The following IPCEF1 variants were observed in gnomAD, a reference collection of about 807,000 sequenced individuals.
IPCEF1 encodes the protein interaction protein for cytohesin exchange factors 1.
In IPCEF1, 31 loss-of-function variants were observed where a neutral mutation model predicts 50.9. The ratio of observed to expected loss-of-function variants is 0.61; its 90% CI spans 0.46 to 0.82. The LOEUF is 0.82. Among genes scored for constraint, IPCEF1 ranks in the 40% least tolerant of loss-of-function variants. The pLI, the probability that IPCEF1 is intolerant of heterozygous loss-of-function variation, is 0.00. For synonymous variants in IPCEF1, 181 were observed against 192.0 expected, an observed-to-expected ratio of 0.94 and a Z score of 0.47; for missense variants, 458 against 514.0, an observed-to-expected ratio of 0.89 and a Z score of 1.05.
chr6:154,282,420 C>T lies in IPCEF1; in HGVS notation c.-18+7293G>A, dbSNP rs534005575. ...GGATCAGGCAGGGCGCGGTGGCTCA[C>T]GCCTGTAATCCCAGCACTTTGGGAG... On this transcript the variant is annotated intron_variant, in intron 2 of 11. Coordinates refer to ENST00000367220, the MANE Select transcript of IPCEF1 (RefSeq NM_001130700.2). 3.7e-4 allele frequency among the ~76,000 whole-genome samples: 56 copies of T among 152,258 alleles called. 1 individual carries two copies. The South Asian group carries it at 5.4e-3, about 15-fold the overall frequency.
chr6:154,308,851 T>C (rs969948975), intron 1 of IPCEF1, among the ~76,000 whole-genome samples: 3 of 152,248 alleles, frequency 2.0e-5, no homozygotes, highest in Non-Finnish European at 4.4e-5. Context: ...TTGTTGTCAA[T>C]TTTACAGGAT....
intron 1 of IPCEF1, among the ~76,000 whole-genome samples, chr6:154,355,531 C>T (rs1784202293): frequency 6.6e-6 from 1 of 151,238 alleles, no homozygotes; most frequent in Non-Finnish European, 1.5e-5. Flanking sequence ...CTCTGTCACC[C>T]AGGCTGAAGT....
At chr6:154,200,708 G>A (rs988507973) in intron 9 of IPCEF1, among the ~76,000 whole-genome samples, 1 of 152,174 alleles carries the variant, frequency 6.6e-6, no homozygotes, top group African/African-American at 2.4e-5. Context: ...GTGACAGAGT[G>A]AGACTCTGCC....
intron 3 of IPCEF1, among the ~76,000 whole-genome samples, chr6:154,261,424 C>T (rs1404318924): frequency 1.3e-5 from 2 of 152,282 alleles, no homozygotes; most frequent in Non-Finnish European, 2.9e-5. Flanking sequence ...AATTCACTCT[C>T]GTTGTCATGT....
chr6:154,270,871 G>A (rs1781885540), intron 2 of IPCEF1, among the ~76,000 whole-genome samples: 1 of 152,126 alleles, frequency 6.6e-6, no homozygotes, highest in African/African-American at 2.4e-5. Flanking sequence ...AGCTACTAGG[G>A]AGGCTGAGGT....
intron 1 of IPCEF1, among the ~76,000 whole-genome samples, chr6:154,297,657 G>A (rs1464941066): frequency 1.3e-5 from 2 of 152,122 alleles, no homozygotes; most frequent in Non-Finnish European, 2.9e-5. Flanking sequence ...TCATCCCCAG[G>A]TCCACAGGTA....
intron 5 of IPCEF1, among the ~76,000 whole-genome samples, chr6:154,246,142 G>A (rs1781024160): frequency 6.6e-6 from 1 of 152,126 alleles, no homozygotes; most frequent in Non-Finnish European, 1.5e-5. Context: ...AGAAAGTAAA[G>A]GAGGAGAAAT....
Position 154,214,207 on chromosome 6 carries a change from A to G in IPCEF1, c.451+11T>C, listed in dbSNP as rs781470046. The G allele has an allele frequency of 2.5e-6, 4 of 1,575,808 alleles. No individual in the cohort carries two copies. Among genetic ancestry groups the G allele is most frequent in the Admixed American group, 1.7e-5 (1 of 59,942 alleles). ...CTTGCTAAATTTTCAGAAATTTAAA[A>G]TAGAACATACCTTCATCCTTTGTAG... On this transcript the variant is annotated intron_variant, in intron 8 of 11. Transcript: ENST00000367220.
At chr6:154,336,603 T>C (rs1783792409) in intron 1 of IPCEF1, among the ~76,000 whole-genome samples, 1 of 151,990 alleles carries the variant, frequency 6.6e-6, no homozygotes, top group African/African-American at 2.4e-5. Flanking sequence ...AAAAGTTCTC[T>C]TTTTTTTCTT....
chr6:154,233,126 G>A (rs1056003931), intron 5 of IPCEF1, among the ~76,000 whole-genome samples: 10 of 152,054 alleles, frequency 6.6e-5, no homozygotes, highest in East Asian at 1.9e-4. Context: ...GTGCCGCCAC[G>A]CCCAGCTAAT....
In IPCEF1 at chr6:154,155,176, AAGG is replaced by A. The variant is rs1168013250; in HGVS notation, c.*4649_*4651del. The A allele has an allele frequency of 8.5e-5, 13 of 152,162 alleles. No homozygotes were observed. Among genetic ancestry groups the A allele is most frequent in the African/African-American group, 2.7e-4 (11 of 41,422 alleles). The allele number at this position is 152,162 out of a possible 1,614,324, so 9.4% of individuals were successfully genotyped here. On this transcript the variant is annotated 3_prime_UTR_variant, in exon 12 of 12. Coordinates refer to ENST00000367220, the MANE Select transcript of IPCEF1 (RefSeq NM_001130700.2). ...CGTGTGTCTGCTCAATGCCTCATTCAAGGAGACGAGTGGCTTTCTGTGAGGAGA... is the reference window on the plus strand; with the variant it reads ...CGTGTGTCTGCTCAATGCCTCATTCAAGACGAGTGGCTTTCTGTGAGGAGA...
At chr6:154,164,056 T>C (rs905911317) in intron 11 of IPCEF1, among the ~76,000 whole-genome samples, 10 of 152,322 alleles carry the variant, frequency 6.6e-5, no homozygotes, top group African/African-American at 2.4e-4. Context: ...AAAGCTTTCT[T>C]CCTCTGATAT....
At chr6:154,317,135 T>G (rs889924088) in intron 1 of IPCEF1, among the ~76,000 whole-genome samples, 1 of 152,108 alleles carries the variant, frequency 6.6e-6, no homozygotes, top group Non-Finnish European at 1.5e-5. Context: ...GTTAATAGAA[T>G]AAGCAAGCCA....
At chr6:154,286,881 G>A (rs6909228) in intron 2 of IPCEF1, among the ~76,000 whole-genome samples, 24,352 of 152,146 alleles carry the variant, frequency 0.16, 2,095 homozygotes, top group Middle Eastern at 0.23. Context: ...GTTTGGCCCC[G>A]TGTCCCCACC....
chr6:154,232,009 G>A (rs556282430), intron 5 of IPCEF1, among the ~76,000 whole-genome samples: 6 of 152,250 alleles, frequency 3.9e-5, no homozygotes, highest in African/African-American at 1.4e-4. Flanking sequence ...AGGACTCTTC[G>A]TAGTGACATG....
chr6:154,261,255 G>A (rs1419468877), intron 3 of IPCEF1, among the ~76,000 whole-genome samples: 2 of 151,902 alleles, frequency 1.3e-5, no homozygotes, highest in Non-Finnish European at 2.9e-5. Context: ...TCGAACTCCT[G>A]GCCTCAAGTG....
At chr6:154,295,911 GCACACACACACACA>G (rs58745478) in intron 1 of IPCEF1, among the ~76,000 whole-genome samples, 3,103 of 150,422 alleles carry the variant, frequency 0.021, 52 homozygotes, top group Non-Finnish European at 0.032. Context: ...ACACACACAC[GCACACACACACACA>G]CACACACACA....
At chr6:154,265,320 G>C (rs1358338254) in intron 3 of IPCEF1, among the ~76,000 whole-genome samples, 1 of 150,830 alleles carries the variant, frequency 6.6e-6, no homozygotes, top group Admixed American at 6.6e-5. Context: ...TCGCTCTGTT[G>C]CCCAGGCTGG....
chr6:154,180,035 T>A (rs1192760392), intron 10 of IPCEF1, among the ~76,000 whole-genome samples: 1 of 152,184 alleles, frequency 6.6e-6, no homozygotes, highest in African/African-American at 2.4e-5. Context: ...CTCAAGTCAT[T>A]GGAAGAGAAA....
Sources: allele counts gnomAD v4.1 joint callset (sites outside exome capture counted in the v4.1 genomes callset), GRCh38; gene constraint gnomAD v4.1.1; transcripts MANE v1.5; gene names NCBI Gene and HGNC (gene_info 2026-07-23, HGNC 2026-07-21).